PIBF1: variants seen among roughly 807,000 people sequenced by gnomAD.
PIBF1 encodes the protein progesterone immunomodulatory binding factor 1.
A neutral mutation model predicts 112.5 loss-of-function variants in PIBF1; 90 were observed. The ratio of observed to expected loss-of-function variants is 0.80; its 90% CI spans 0.67 to 0.95. PIBF1 has a LOEUF of 0.95. PIBF1 is among the 40% of genes least tolerant of loss of function. The pLI is 0.00. For synonymous variants in PIBF1, 301 were observed against 288.6 expected, an observed-to-expected ratio of 1.04 and a Z score of -0.44; for missense variants, 915 against 852.3, an observed-to-expected ratio of 1.07 and a Z score of -0.92.
chr13:72,996,671 C>T (rs2043683573), intron 16 of PIBF1, among the ~76,000 whole-genome samples: 1 of 151,910 alleles, frequency 6.6e-6, no homozygotes, highest in African/African-American at 2.4e-5. Flanking sequence ...CCCTGTAGTC[C>T]TAGCTACTCA....
intron 16 of PIBF1, among the ~76,000 whole-genome samples, chr13:72,993,651 C>A (rs1594334981): frequency 6.8e-6 from 1 of 147,678 alleles, no homozygotes; most frequent in African/African-American, 2.5e-5. Context: ...GAGGCTGAGG[C>A]AGGGGAATGG....
intron 2 of PIBF1, among the ~76,000 whole-genome samples, chr13:72,791,188 G>A (rs1435271752): frequency 3.3e-5 from 5 of 152,008 alleles, no homozygotes; most frequent in African/African-American, 9.7e-5. Flanking sequence ...CCGAGTAGCT[G>A]GGACTACAGG....
intron 6 of PIBF1, 26 bp downstream of exon 6, chr13:72,822,008 G>A (rs1182587158): frequency 1.3e-6 from 2 of 1,578,262 alleles, no homozygotes; most frequent in Non-Finnish European, 1.7e-6. Context: ...GGCTGCAGTA[G>A]TAGTTCTCTA....
chr13:72,946,360 C>T (rs375891442), intron 14 of PIBF1, among the ~76,000 whole-genome samples: 20 of 152,164 alleles, frequency 1.3e-4, no homozygotes, highest in Non-Finnish European at 1.9e-4. Context: ...GGGTCCCTCC[C>T]ACAACACATG....
At chr13:73,000,178 C>A (rs2043810657) in intron 17 of PIBF1, among the ~76,000 whole-genome samples, 1 of 152,220 alleles carries the variant, frequency 6.6e-6, no homozygotes, top group Admixed American at 6.5e-5. Context: ...GTCCATGCAT[C>A]TTTTCCTCTG....
At chr13:72,928,030 T>TATATATACATATATATAC (rs1566458750) in intron 13 of PIBF1, among the ~76,000 whole-genome samples, 1 of 108,868 alleles carries the variant, frequency 9.2e-6, no homozygotes, top group African/African-American at 3.0e-5. Context: ...TATATACATA[T>TATATATACATATATATAC]ATATATATAT....
At chr13:73,014,071 C>G (rs2044311668) in intron 17 of PIBF1, among the ~76,000 whole-genome samples, 2 of 151,086 alleles carry the variant, frequency 1.3e-5, no homozygotes. Flanking sequence ...CTCCACTCCC[C>G]TCTCCTCCCC....
intron 5 of PIBF1, among the ~76,000 whole-genome samples, chr13:72,816,670 A>G (rs561206258): frequency 1.1e-4 from 16 of 152,076 alleles, no homozygotes; most frequent in African/African-American, 3.9e-4. Flanking sequence ...CAAAAAAAAA[A>G]AAAATTACTG....
intron 14 of PIBF1, among the ~76,000 whole-genome samples, chr13:72,938,866 T>C (rs1430738699): frequency 6.6e-6 from 1 of 152,214 alleles, no homozygotes; most frequent in Non-Finnish European, 1.5e-5. Context: ...ATCCTGGCAA[T>C]TACAAAGTAG....
intron 14 of PIBF1, among the ~76,000 whole-genome samples, chr13:72,946,646 C>A (rs1169107948): frequency 6.6e-6 from 1 of 152,184 alleles, no homozygotes; most frequent in Non-Finnish European, 1.5e-5. Flanking sequence ...GGGGTACAGG[C>A]ATTGGGTAAA....
intron 14 of PIBF1, among the ~76,000 whole-genome samples, chr13:72,936,928 C>G (rs1359914324): frequency 6.6e-6 from 1 of 151,786 alleles, no homozygotes; most frequent in Non-Finnish European, 1.5e-5. Context: ...GTATCTTTAC[C>G]CTTATTTACG....
At chr13:72,812,063 G>A (rs2036049581) in intron 5 of PIBF1, among the ~76,000 whole-genome samples, 1 of 152,006 alleles carries the variant, frequency 6.6e-6, no homozygotes, top group Non-Finnish European at 1.5e-5. Context: ...GGGGCTTATT[G>A]GGTTTTGAGA....
intron 15 of PIBF1, chr13:72,970,783 G>A (rs921220106): frequency 4.6e-5 from 7 of 152,122 alleles, no homozygotes; most frequent in African/African-American, 1.7e-4. Context: ...TAGAAGAAGA[G>A]TGAATATAAT....
chr13:72,873,294 T>TA lies in PIBF1; in HGVS notation c.1322+19142dup, dbSNP rs574020127. On this transcript the variant is annotated intron_variant, in intron 10 of 17. Coordinates refer to ENST00000326291, the MANE Select transcript of PIBF1 (RefSeq NM_006346.4). The stretch of plus-strand genomic sequence containing the variant: ...AAAATTAATTTGTAATTCATACATC[T>TA]AAATGTAAGATCAAAAACTAGAAAA... 2.6e-4 allele frequency among the ~76,000 whole-genome samples: 39 copies of TA among 152,240 alleles called. No individual in the cohort carries two copies. The East Asian group carries it at 7.5e-3, about 29-fold the overall frequency.
intron 8 of PIBF1, among the ~76,000 whole-genome samples, chr13:72,834,089 A>C (rs949784140): frequency 3.9e-5 from 6 of 152,146 alleles, no homozygotes; most frequent in African/African-American, 9.7e-5. Context: ...TTTTTTAAAG[A>C]AAGTATGAAA....
intron 16 of PIBF1, among the ~76,000 whole-genome samples, chr13:72,995,019 C>G (rs553144764): frequency 6.6e-6 from 1 of 151,972 alleles, no homozygotes; most frequent in Admixed American, 6.6e-5. Flanking sequence ...GAGGTTCTTG[C>G]GGACAGGTGC....
intron 10 of PIBF1, among the ~76,000 whole-genome samples, chr13:72,860,241 C>CACAAGCTA (rs770821234): frequency 9.2e-5 from 14 of 151,638 alleles, no homozygotes; most frequent in Non-Finnish European, 1.8e-4. Flanking sequence ...AAATGGTGAA[C>CACAAGCTA]ACAAGCTAAT....
chr13:73,004,527 T>C (rs2043973448), intron 17 of PIBF1, among the ~76,000 whole-genome samples: 1 of 132,976 alleles, frequency 7.5e-6, no homozygotes, highest in Non-Finnish European at 1.7e-5. Context: ...AATGTGATAT[T>C]CACAAAATAT....
At chr13:72,973,810 C>A in intron 16 of PIBF1, 135 bp downstream of exon 16, 1 of 558,814 alleles carries the variant, frequency 1.8e-6, no homozygotes, top group Admixed American at 3.9e-5. Flanking sequence ...GTAATTTTGT[C>A]CTTTTTTATT....
Sources: gnomAD v4.1 joint callset for allele counts (sites outside exome capture counted in the v4.1 genomes callset) on GRCh38, gnomAD v4.1.1 for gene constraint, MANE v1.5 for transcripts, NCBI Gene and HGNC (gene_info 2026-07-23, HGNC 2026-07-21) for gene names.